Variants in CEP128 observed in about 807,000 individuals in gnomAD.
CEP128 encodes centrosomal protein 128, also known as centrosomal protein 128kDa.
CEP128 carries 132 observed loss-of-function variants against 156.7 expected under a neutral mutation model. That is an observed-to-expected ratio of 0.84 (90% CI 0.73 to 0.97). CEP128 has a LOEUF of 0.97. Among genes scored for constraint, CEP128 ranks in the 50% least tolerant of loss-of-function variants. CEP128 has a pLI of 0.00. For synonymous variants in CEP128, 469 were observed against 448.9 expected (o/e 1.04, Z -0.57); for missense variants, 1,252 against 1,281.9 (o/e 0.98, Z 0.36).
At chr14:80,820,354 T>C (rs1320715560) in intron 13 of CEP128, among the ~76,000 whole-genome samples, 2 of 152,226 alleles carry the variant, frequency 1.3e-5, no homozygotes, top group East Asian at 3.8e-4. Context: ...AACCTCTGAA[T>C]GATCATATCT....
At chr14:80,699,029 G>T (rs1415747258) in intron 19 of CEP128, among the ~76,000 whole-genome samples, 1 of 152,168 alleles carries the variant, frequency 6.6e-6, no homozygotes, top group East Asian at 1.9e-4. Flanking sequence ...CTTGGGAAGA[G>T]AATGAGAGGG....
intron 23 of CEP128, among the ~76,000 whole-genome samples, chr14:80,506,479 G>A (rs575406298): frequency 6.6e-6 from 1 of 150,500 alleles, no homozygotes; most frequent in African/African-American, 2.4e-5. Flanking sequence ...CAGGATTGAA[G>A]GATGAATATC....
chr14:80,625,815 A>C (rs1379384120), intron 19 of CEP128, among the ~76,000 whole-genome samples: 2 of 99,080 alleles, frequency 2.0e-5, no homozygotes, highest in Admixed American at 1.0e-4. Flanking sequence ...TTTCTTCCTT[A>C]TTTCTTTTTT....
In CEP128 at chr14:80,840,168, A is replaced by G. The variant is rs992471401; in HGVS notation, c.849+514T>C. 2.6e-5 allele frequency among the ~76,000 whole-genome samples: 4 copies of G among 152,288 alleles called. No homozygotes were observed. The South Asian group carries it at 8.3e-4, about 32-fold the overall frequency. Reference sequence around the variant, plus strand: ...TCTACTTATTTGCAAATTAAGGAAGAGTTGTTTGGCCTCTGAATTCCTTTC... The same window carrying G: ...TCTACTTATTTGCAAATTAAGGAAGGGTTGTTTGGCCTCTGAATTCCTTTC... On this transcript the variant is annotated intron_variant, in intron 10 of 24. Coordinates refer to ENST00000555265, the MANE Select transcript of CEP128 (RefSeq NM_152446.5).
chr14:80,719,728 T>C (rs544178148), intron 19 of CEP128, among the ~76,000 whole-genome samples: 1 of 152,048 alleles, frequency 6.6e-6, no homozygotes, highest in East Asian at 1.9e-4. Flanking sequence ...TATTAGAATA[T>C]GAAACAGAGA....
At chr14:80,864,625 C>T (rs1280236369) in intron 8 of CEP128, among the ~76,000 whole-genome samples, 4 of 151,202 alleles carry the variant, frequency 2.6e-5, no homozygotes, top group Admixed American at 6.6e-5. Context: ...GGCATGATCT[C>T]GGCTCACTGC....
At position 80,527,154 on chromosome 14, in the gene CEP128, C is replaced by A. The variant is rs1466782769; in HGVS notation, c.2959-172G>T. ...ACCATAGAGAAAGAAGAAGGCTACA[C>A]ACAGTGGCTCAAACCTGTAATCCCA... On this transcript the variant is annotated intron_variant, in intron 22 of 24. Coordinates refer to ENST00000555265, the MANE Select transcript of CEP128 (RefSeq NM_152446.5). 1.4e-5 allele frequency: 8 copies of A among 557,466 alleles called. No individual in the cohort carries two copies. The African/African-American group carries it at 1.5e-4, about 11-fold the overall frequency. 34.5% of individuals were successfully genotyped at this position (557,466 alleles called of 1,614,324 possible).
At chr14:80,559,009 T>C (rs1430366942) in intron 21 of CEP128, among the ~76,000 whole-genome samples, 1 of 152,222 alleles carries the variant, frequency 6.6e-6, no homozygotes, top group African/African-American at 2.4e-5. Flanking sequence ...CTATATTTAA[T>C]ATATTTTTCA....
At chr14:80,933,892 A>G (rs534293595) in intron 2 of CEP128, among the ~76,000 whole-genome samples, 1 of 152,340 alleles carries the variant, frequency 6.6e-6, no homozygotes, top group East Asian at 1.9e-4. Flanking sequence ...TATGTGAAGA[A>G]AGAGATTAGT....
At chr14:80,513,729 A>G (rs1888363670) in intron 23 of CEP128, among the ~76,000 whole-genome samples, 1 of 152,114 alleles carries the variant, frequency 6.6e-6, no homozygotes, top group Admixed American at 6.5e-5. Context: ...ATTTAATTCT[A>G]TATATCGTGA....
chr14:80,838,379 A>G (rs1886191805), intron 10 of CEP128, 101 bp from the exon 11 acceptor site: 2 of 765,948 alleles, frequency 2.6e-6, no homozygotes, highest in South Asian at 1.6e-5. Context: ...AAAAGTTTTC[A>G]GAAGACATTT....
At chr14:80,609,822 C>A (rs1892924515) in intron 19 of CEP128, among the ~76,000 whole-genome samples, 1 of 150,392 alleles carries the variant, frequency 6.6e-6, no homozygotes, top group South Asian at 2.1e-4. Flanking sequence ...GTACTGATTT[C>A]TTTTTTTTTA....
intron 23 of CEP128, among the ~76,000 whole-genome samples, chr14:80,507,558 G>C (rs1888037414): frequency 6.6e-6 from 1 of 152,170 alleles, no homozygotes; most frequent in Non-Finnish European, 1.5e-5. Context: ...TCATGGTTTT[G>C]ATATAAATCA....
chr14:80,698,951 A>G (rs768560974), intron 19 of CEP128, among the ~76,000 whole-genome samples: 4 of 152,192 alleles, frequency 2.6e-5, no homozygotes, highest in Non-Finnish European at 5.9e-5. Context: ...GCCTCAAAAC[A>G]ATGCCTAAAT....
Position 80,935,163 on chromosome 14 carries a change from G to T in CEP128, c.-16+4222C>A, listed in dbSNP as rs1345420138. On this transcript the variant is annotated intron_variant, in intron 2 of 24. Transcript: ENST00000555265. ...CTTGTTACATGTAAATGGCAGTGGTGAGAAAGCAAAAAACAAAAACAAACA... is the reference window on the plus strand; with the variant it reads ...CTTGTTACATGTAAATGGCAGTGGTTAGAAAGCAAAAAACAAAAACAAACA... Among the ~76,000 whole-genome samples, 4 of 152,244 alleles carry T rather than the reference G, an allele frequency of 2.6e-5. No individual in the cohort carries two copies. The East Asian group carries it at 7.7e-4, about 29-fold the overall frequency.
At chr14:80,799,245 G>A (rs1883680920) in intron 13 of CEP128, among the ~76,000 whole-genome samples, 1 of 152,190 alleles carries the variant, frequency 6.6e-6, no homozygotes, top group Non-Finnish European at 1.5e-5. Context: ...AACATAAATT[G>A]TGAAGATTTC....
intron 21 of CEP128, among the ~76,000 whole-genome samples, chr14:80,556,077 TG>T (rs1890423793): frequency 6.8e-6 from 1 of 146,878 alleles, no homozygotes; most frequent in African/African-American, 2.5e-5. Context: ...GTCCCATCCT[TG>T]GCCCATGAGC....
chr14:80,931,461 T>C (rs1244331408), intron 2 of CEP128, among the ~76,000 whole-genome samples: 1 of 152,224 alleles, frequency 6.6e-6, no homozygotes, highest in Non-Finnish European at 1.5e-5. Context: ...CTTGCAGCTC[T>C]GTGAGGAGAT....
At chr14:80,687,054 T>C (rs1222957263) in intron 19 of CEP128, among the ~76,000 whole-genome samples, 1 of 152,084 alleles carries the variant, frequency 6.6e-6, no homozygotes, top group Non-Finnish European at 1.5e-5. Context: ...AACAAAGATA[T>C]TCAGGAGTTG....
Sources: allele counts gnomAD v4.1 joint callset (sites outside exome capture counted in the v4.1 genomes callset), GRCh38; gene constraint gnomAD v4.1.1; transcripts MANE v1.5; gene names NCBI Gene and HGNC (gene_info 2026-07-23, HGNC 2026-07-21).